The following PRKCQ variants were observed in gnomAD, a reference collection of about 807,000 sequenced individuals.
The protein encoded by PRKCQ is protein kinase C theta type.
In PRKCQ, 41 loss-of-function variants were observed where a neutral mutation model predicts 91.2. That is an observed-to-expected ratio of 0.45 (90% CI 0.35 to 0.58). PRKCQ has a LOEUF of 0.58. Ranked by LOEUF, PRKCQ falls within the 20% of genes least tolerant of loss-of-function variation. The pLI, the probability that PRKCQ is intolerant of heterozygous loss-of-function variation, is 0.00. For synonymous variants in PRKCQ, 307 were observed against 316.9 expected, an observed-to-expected ratio of 0.97 and a Z score of 0.33; for missense variants, 673 against 896.5, an observed-to-expected ratio of 0.75 and a Z score of 3.18.
upstream of PRKCQ, chr10:6,580,555 C>T (rs1012661493): frequency 6.6e-6 from 1 of 152,448 alleles, no homozygotes; most frequent in Admixed American, 6.5e-5. Flanking sequence ...CCGGAGGGCC[C>T]AGGACAGCCC....
intron 2 of PRKCQ, 62 bp from the exon 3 acceptor site, chr10:6,511,256 C>A: frequency 6.7e-7 from 1 of 1,501,704 alleles, no homozygotes; most frequent in South Asian, 1.1e-5. Context: ...TAATTCAGTT[C>A]AACTCAACAG....
intron 12 of PRKCQ, among the ~76,000 whole-genome samples, chr10:6,472,294 C>A (rs904135867): frequency 6.6e-6 from 1 of 151,746 alleles, no homozygotes; most frequent in African/African-American, 2.4e-5. Flanking sequence ...GGCGACAGAG[C>A]GAGACTCCAT....
chr10:6,509,239 A>C (rs1339536700), intron 3 of PRKCQ, among the ~76,000 whole-genome samples: 1 of 152,218 alleles, frequency 6.6e-6, no homozygotes, highest in African/African-American at 2.4e-5. Context: ...TAGGCAAGAA[A>C]TCATATGCAA....
At chr10:6,454,160 AAC>A (rs1834879444) in intron 15 of PRKCQ, among the ~76,000 whole-genome samples, 2 of 152,244 alleles carry the variant, frequency 1.3e-5, no homozygotes. Context: ...AGGCATTGAT[AAC>A]ACACAGTCTA....
chr10:6,497,707 A>G lies in PRKCQ; in HGVS notation c.543-456T>C, dbSNP rs1837694399. Among the ~76,000 whole-genome samples the G allele has an allele frequency of 6.6e-6, 1 of 152,192 alleles. No homozygotes were observed. The highest frequency in any genetic ancestry group is 1.5e-5 in the Non-Finnish European group (1 of 68,038). ...CAGGACCGATTCCTGAGTGACATCC[A>G]TGATTAGAGAGAAAGGAGGTTCAAG... On this transcript the variant is annotated intron_variant, in intron 5 of 17. Coordinates refer to ENST00000263125, the MANE Select transcript of PRKCQ (RefSeq NM_006257.5). The surrounding 1 kb of genome is among the most constrained non-coding windows in gnomAD (Gnocchi z 4.5).
chr10:6,501,168 T>C (rs765606552), intron 4 of PRKCQ, among the ~76,000 whole-genome samples: 9 of 150,668 alleles, frequency 6.0e-5, no homozygotes, highest in African/African-American at 9.8e-5. Flanking sequence ...AGACCCAGAG[T>C]CTTAGGGTCT....
intron 1 of PRKCQ, among the ~76,000 whole-genome samples, chr10:6,556,551 G>A (rs1040972184): frequency 1.3e-5 from 2 of 151,674 alleles, no homozygotes; most frequent in African/African-American, 4.8e-5. Flanking sequence ...GAAATGGAGA[G>A]TTACTGCTTA....
rs759031814 is a variant in PRKCQ, at chr10:6,442,069, G to C, written c.1660C>G (p.Gln554Glu). Residue 554 changes from glutamine (Q) to glutamate (E), a missense_variant, in exon 16 of 18, where the codon CAG (glutamine) becomes GAG (glutamate). Physicochemically the swap from Gln to Glu is conservative, Grantham distance 29. Coordinates refer to ENST00000263125, the MANE Select transcript of PRKCQ (RefSeq NM_006257.5). ...CAGTCCACAGAGTGGTTGTATTTCT[G>C]ACCCAGCAAGATCTGCACAACCAAA... ...DYIAPEILLGQKYNHSVDWWS... is the reference protein window; with the variant it reads ...DYIAPEILLGEKYNHSVDWWS... 1.2e-6 allele frequency: 2 copies of C among 1,612,068 alleles called. No individual in the cohort carries two copies. The highest frequency in any genetic ancestry group is 1.7e-6 in the Non-Finnish European group (2 of 1,178,368).
chr10:6,536,207 T>C (rs1407423919), intron 1 of PRKCQ, among the ~76,000 whole-genome samples: 4 of 152,210 alleles, frequency 2.6e-5, no homozygotes, highest in African/African-American at 4.8e-5. Flanking sequence ...GCACTGAGCC[T>C]GGGTGGTCCC....
rs1833160373 is a variant in PRKCQ, at chr10:6,427,277, C to G, written c.*930G>C. ...TGGAATTCTAATTCAACTCAATTGA[C>G]TGCTGCAAACAGCATGCATGGGCCA... is the stretch of plus-strand genomic sequence containing the variant. On this transcript the variant is annotated 3_prime_UTR_variant, in exon 18 of 18. Transcript: ENST00000263125. The G allele has an allele frequency of 6.6e-6, 1 of 152,122 alleles. No homozygotes were observed. Among genetic ancestry groups the G allele is most frequent in the Non-Finnish European group, 1.5e-5 (1 of 68,044 alleles). 9.4% of individuals were successfully genotyped at this position (152,122 alleles called of 1,614,324 possible).
chr10:6,577,869 A>C (rs1451498909), intron 1 of PRKCQ, among the ~76,000 whole-genome samples: 1 of 152,228 alleles, frequency 6.6e-6, no homozygotes, highest in African/African-American at 2.4e-5. Context: ...TTGTCTGTGT[A>C]GGTCTACTTC....
At chr10:6,442,121 AG>A (rs758403865) in intron 15 of PRKCQ, 40 bp from the exon 16 acceptor site, 2 of 1,581,332 alleles carry the variant, frequency 1.3e-6, no homozygotes, top group Non-Finnish European at 1.7e-6. Flanking sequence ...AACAGGAATG[AG>A]GCTGAGGAGT....
chr10:6,432,606 G>A (rs1208907987), intron 16 of PRKCQ, among the ~76,000 whole-genome samples: 1 of 152,154 alleles, frequency 6.6e-6, no homozygotes, highest in African/African-American at 2.4e-5. Context: ...CCGAGAGACT[G>A]ACTACCCACG....
intron 15 of PRKCQ, among the ~76,000 whole-genome samples, chr10:6,453,493 A>C (rs1231184823): frequency 6.6e-6 from 1 of 152,226 alleles, no homozygotes; most frequent in Non-Finnish European, 1.5e-5. Context: ...TAGTTCAACC[A>C]TTGTGGAAGT....
chr10:6,576,779 T>C lies in PRKCQ; in HGVS notation c.-10+3432A>G, dbSNP rs781244493. ...GGGACTGCGGTTTAAAGCAAATGCT[T>C]GATGGTTAGACTAATCTGGATGGTC... is the stretch of plus-strand genomic sequence containing the variant. On this transcript the variant is annotated intron_variant, in intron 1 of 17. Transcript: ENST00000263125. The surrounding 1 kb of genome is among the most constrained non-coding windows in gnomAD (Gnocchi z 4.2). Among the ~76,000 whole-genome samples, 12 of 152,184 alleles carry C rather than the reference T, an allele frequency of 7.9e-5. No individual in the cohort carries two copies. Among genetic ancestry groups the C allele is most frequent in the Admixed American group, 2.0e-4 (3 of 15,288 alleles).
intron 12 of PRKCQ, among the ~76,000 whole-genome samples, chr10:6,476,714 C>T (rs1268706128): frequency 1.3e-5 from 2 of 152,160 alleles, no homozygotes; most frequent in African/African-American, 2.4e-5. Context: ...CAGTAAAAAT[C>T]TTTATTTATG....
intron 4 of PRKCQ, among the ~76,000 whole-genome samples, chr10:6,502,247 G>C (rs773625984): frequency 4.6e-5 from 7 of 152,354 alleles, no homozygotes; most frequent in South Asian, 4.1e-4. Flanking sequence ...GGCAGGTGGA[G>C]GTAGGTGAAG....
intron 12 of PRKCQ, among the ~76,000 whole-genome samples, chr10:6,467,790 A>C (rs146706299): frequency 1.7e-4 from 26 of 152,324 alleles, no homozygotes; most frequent in African/African-American, 5.8e-4. Flanking sequence ...GAGAGTCACC[A>C]TTACCTACAG....
At chr10:6,429,393 C>T (rs1218661463) in intron 17 of PRKCQ, among the ~76,000 whole-genome samples, 1 of 152,206 alleles carries the variant, frequency 6.6e-6, no homozygotes, top group Non-Finnish European at 1.5e-5. Flanking sequence ...AATTAGAGTG[C>T]TTGAGGCTGG....
Sources: allele counts gnomAD v4.1 joint callset (sites outside exome capture counted in the v4.1 genomes callset), GRCh38; gene constraint gnomAD v4.1.1; non-coding constraint Gnocchi (gnomAD v3.1); transcripts MANE v1.5; gene names NCBI Gene and HGNC (gene_info 2026-07-23, HGNC 2026-07-21).